The following THSD7A variants were observed in gnomAD, a reference collection of about 807,000 sequenced individuals.
THSD7A encodes the protein thrombospondin type-1 domain-containing protein 7A.
Under a neutral mutation model 231.3 loss-of-function variants are expected in THSD7A, and 96 were observed. The observed-to-expected ratio is 0.41, with a 90% CI of 0.35 to 0.49. The LOEUF (loss-of-function observed/expected upper bound fraction) is 0.49. THSD7A is among the 20% of genes least tolerant of loss of function. The probability of loss-of-function intolerance (pLI) is 0.05; values close to 1 mark genes in which losing one functional copy is unlikely to be tolerated. For missense variants in THSD7A, 2,290 were observed against 2,070.2 expected (o/e 1.11, Z -2.06); for synonymous variants, 940 against 743.3 (o/e 1.26, Z -4.30).
At chr7:11,691,429 AG>A (rs960541363) in intron 1 of THSD7A, among the ~76,000 whole-genome samples, 15 of 151,528 alleles carry the variant, frequency 9.9e-5, no homozygotes, top group African/African-American at 3.6e-4. Context: ...ATGAAATAAG[AG>A]TATAAACTAA....
At chr7:11,819,065 T>C (rs1291968146) in intron 1 of THSD7A, among the ~76,000 whole-genome samples, 3 of 152,160 alleles carry the variant, frequency 2.0e-5, no homozygotes, top group African/African-American at 4.8e-5. Flanking sequence ...TATCTGCAGA[T>C]GACAAGCAAA....
chr7:11,411,355 G>T lies in THSD7A; in HGVS notation c.3683-33C>A, dbSNP rs144612321. On this transcript the variant is annotated intron_variant, in intron 18 of 27. Coordinates refer to ENST00000423059, the MANE Select transcript of THSD7A (RefSeq NM_015204.3). This position sits in a 1 kb window ranked among gnomAD's most constrained non-coding sequence, Gnocchi z 4.1. ...AAAGGGAAGCCCATCAGAACAGAAGGCTAAGTAAGAAACAGATTTCAAATG... is the reference window on the plus strand; with the variant it reads ...AAAGGGAAGCCCATCAGAACAGAAGTCTAAGTAAGAAACAGATTTCAAATG... 367 of 1,448,950 alleles carry T rather than the reference G, an allele frequency of 2.5e-4. No homozygotes were observed. The highest frequency in any genetic ancestry group is 3.3e-4 in the Non-Finnish European group (345 of 1,040,324). The allele number at this position is 1,448,950 out of a possible 1,614,324, so 89.8% of individuals were successfully genotyped here.
chr7:11,539,632 T>C (rs982413972), intron 6 of THSD7A, among the ~76,000 whole-genome samples: 1 of 152,220 alleles, frequency 6.6e-6, no homozygotes, highest in African/African-American at 2.4e-5. Context: ...TAATTACTTG[T>C]GTTGCAAAAT....
At chr7:11,536,048 A>C (rs1788902707) in intron 6 of THSD7A, among the ~76,000 whole-genome samples, 1 of 152,210 alleles carries the variant, frequency 6.6e-6, no homozygotes, top group African/African-American at 2.4e-5. Flanking sequence ...TATTGAAAAG[A>C]TATTCTAACA....
At chr7:11,554,594 T>C (rs892952559) in intron 4 of THSD7A, among the ~76,000 whole-genome samples, 2 of 152,072 alleles carry the variant, frequency 1.3e-5, no homozygotes, top group African/African-American at 4.8e-5. Flanking sequence ...TTACATTGAC[T>C]AACTTTTTAA....
chr7:11,466,734 TAGAG>T (rs1033602175), intron 9 of THSD7A, among the ~76,000 whole-genome samples: 3 of 152,090 alleles, frequency 2.0e-5, no homozygotes, highest in African/African-American at 7.2e-5. Flanking sequence ...CTCTGCCGCT[TAGAG>T]AGCCTCTTGC....
chr7:11,526,272 C>G (rs1384293112), intron 6 of THSD7A, among the ~76,000 whole-genome samples: 3 of 152,146 alleles, frequency 2.0e-5, no homozygotes, highest in African/African-American at 7.2e-5. Context: ...TTCTTCTATA[C>G]TTCTGTGCTT....
At chr7:11,482,859 A>G (rs1786487012) in intron 6 of THSD7A, among the ~76,000 whole-genome samples, 1 of 152,222 alleles carries the variant, frequency 6.6e-6, no homozygotes, top group African/African-American at 2.4e-5. Context: ...ATAAAAGGCC[A>G]ATGAGAAACA....
At chr7:11,675,568 G>T (rs527300084) in intron 1 of THSD7A, among the ~76,000 whole-genome samples, 1 of 152,182 alleles carries the variant, frequency 6.6e-6, no homozygotes, top group African/African-American at 2.4e-5. Flanking sequence ...GGATGCTCCA[G>T]CTTGGTGGGG....
intron 2 of THSD7A, among the ~76,000 whole-genome samples, chr7:11,628,502 A>T (rs1781545457): frequency 6.6e-6 from 1 of 152,166 alleles, no homozygotes; most frequent in Admixed American, 6.5e-5. Flanking sequence ...TGATCCTGCC[A>T]ACCTCCTTCC....
At chr7:11,720,513 T>C (rs542523013) in intron 1 of THSD7A, among the ~76,000 whole-genome samples, 1 of 151,778 alleles carries the variant, frequency 6.6e-6, no homozygotes, top group African/African-American at 2.4e-5. Flanking sequence ...TTCTCTCCTC[T>C]TAATGAAGCA....
In THSD7A at chr7:11,541,641, G is replaced by A. The variant is rs1412797374; in HGVS notation, c.1610-10C>T. On this transcript the variant is annotated splice_polypyrimidine_tract_variant and intron_variant, in intron 5 of 27. Transcript: ENST00000423059. ...TTCCTCAGTTTGAAGCCTGAATTAT[G>A]GGGGAAGGAAAAATCTATTGTTACT... 1 of 1,611,174 alleles carries A rather than the reference G, an allele frequency of 6.2e-7. No individual in the cohort carries two copies. The highest frequency in any genetic ancestry group is 2.2e-5 in the East Asian group (1 of 44,842).
chr7:11,562,237 A>T (rs1207316454), intron 4 of THSD7A, among the ~76,000 whole-genome samples: 1 of 151,966 alleles, frequency 6.6e-6, no homozygotes, highest in African/African-American at 2.4e-5. Context: ...TCAAATGTAC[A>T]AATGTACATT....
chr7:11,687,886 T>G (rs1157038016), intron 1 of THSD7A, among the ~76,000 whole-genome samples: 1 of 151,746 alleles, frequency 6.6e-6, no homozygotes, highest in Non-Finnish European at 1.5e-5. Context: ...TAATTTAATT[T>G]TATTTTTTTA....
At chr7:11,566,709 A>G (rs937026250) in intron 4 of THSD7A, among the ~76,000 whole-genome samples, 12 of 152,136 alleles carry the variant, frequency 7.9e-5, no homozygotes, top group Non-Finnish European at 1.6e-4. Context: ...GATATTTCAG[A>G]AAGTCTATGT....
intron 1 of THSD7A, among the ~76,000 whole-genome samples, chr7:11,693,060 C>T (rs1038999961): frequency 1.8e-4 from 27 of 151,464 alleles, no homozygotes; most frequent in Admixed American, 1.6e-3. Flanking sequence ...GAGTTATTGA[C>T]CTCTGCTTAA....
At chr7:11,757,684 A>T (rs1366432541) in intron 1 of THSD7A, among the ~76,000 whole-genome samples, 1 of 152,000 alleles carries the variant, frequency 6.6e-6, no homozygotes, top group Admixed American at 6.6e-5. Context: ...ACAGATTATA[A>T]GTTCTGTTTT....
At chr7:11,649,824 C>G (rs1782422552) in intron 1 of THSD7A, among the ~76,000 whole-genome samples, 1 of 152,006 alleles carries the variant, frequency 6.6e-6, no homozygotes, top group African/African-American at 2.4e-5. Context: ...TGCCACCTTT[C>G]TTATCAGGGT....
At chr7:11,820,614 T>G (rs1562578643) in intron 1 of THSD7A, 2 of 737,848 alleles carry the variant, frequency 2.7e-6, no homozygotes, top group East Asian at 5.0e-5. Context: ...TCCTCTGGCT[T>G]GAAATTGAAA....
Sources: allele counts gnomAD v4.1 joint callset (sites outside exome capture counted in the v4.1 genomes callset), GRCh38; gene constraint gnomAD v4.1.1; non-coding constraint Gnocchi (gnomAD v3.1); transcripts MANE v1.5; gene names NCBI Gene and HGNC (gene_info 2026-07-23, HGNC 2026-07-21).